Variants in NAV2 observed in about 807,000 individuals in gnomAD.
NAV2 encodes the protein helicase, APC down-regulated 1.
Under a neutral mutation model 223.2 loss-of-function variants are expected in NAV2, and 54 were observed. The observed-to-expected ratio is 0.24, with a 90% confidence interval of 0.19 to 0.30. The LOEUF is 0.30. NAV2 is among the 10% of genes least tolerant of loss of function. The probability of loss-of-function intolerance (pLI) is 1.00; values close to 1 mark genes in which losing one functional copy is unlikely to be tolerated. For missense variants in NAV2, 2,806 were observed against 3,147.5 expected, an observed-to-expected ratio of 0.89 and a Z score of 2.60; for synonymous variants, 1,279 against 1,239.3, an observed-to-expected ratio of 1.03 and a Z score of -0.67.
At position 20,073,168 on chromosome 11, in the gene NAV2, C is replaced by T. The variant is rs373663351; in HGVS notation, c.4984-4384C>T. On this transcript the variant is annotated intron_variant, in intron 22 of 37. Coordinates refer to ENST00000349880, the MANE Select transcript of NAV2 (RefSeq NM_145117.5). Reference sequence around the variant, plus strand: ...GAAGGGCTGTTGAATTTGTCCAAGGCCTTTTCTGCATCTATTGAGATAATC... The same window carrying T: ...GAAGGGCTGTTGAATTTGTCCAAGGTCTTTTCTGCATCTATTGAGATAATC... Among the ~76,000 whole-genome samples, 4 of 152,028 alleles carry T rather than the reference C, an allele frequency of 2.6e-5. No homozygotes were observed. In the East Asian group the frequency reaches 5.8e-4, roughly 22 times the overall value.
chr11:19,573,965 T>G (rs1417034147), intron 1 of NAV2, among the ~76,000 whole-genome samples: 2 of 152,198 alleles, frequency 1.3e-5, no homozygotes, highest in African/African-American at 4.8e-5. Flanking sequence ...GTCTGAAGTC[T>G]GCCTAGAACC....
intron 5 of NAV2, among the ~76,000 whole-genome samples, chr11:19,890,234 T>C (rs2041387345): frequency 6.6e-6 from 1 of 152,202 alleles, no homozygotes; most frequent in South Asian, 2.1e-4. Context: ...TCCAATGTCT[T>C]GTGTATGGAA....
At chr11:19,641,865 T>C (rs903937861) in intron 1 of NAV2, among the ~76,000 whole-genome samples, 2 of 152,086 alleles carry the variant, frequency 1.3e-5, no homozygotes, top group Non-Finnish European at 2.9e-5. Context: ...CTGGCACTTA[T>C]AACAATCTGA....
intron 1 of NAV2, among the ~76,000 whole-genome samples, chr11:19,603,470 A>T (rs574598490): frequency 9.1e-4 from 139 of 152,030 alleles, no homozygotes; most frequent in African/African-American, 3.3e-3. Flanking sequence ...TACTAAACTT[A>T]CAAAAAATTA....
chr11:19,833,523 A>T (rs1460711652), intron 2 of NAV2, among the ~76,000 whole-genome samples: 1 of 152,172 alleles, frequency 6.6e-6, no homozygotes, highest in Non-Finnish European at 1.5e-5. Context: ...TTGTCTTGTG[A>T]TTGATTTCTT....
intron 10 of NAV2, among the ~76,000 whole-genome samples, chr11:19,983,641 A>G (rs540341719): frequency 6.6e-6 from 1 of 152,290 alleles, no homozygotes; most frequent in South Asian, 2.1e-4. Context: ...TGTGATGGCA[A>G]AGGCCACTCA....
intron 1 of NAV2, among the ~76,000 whole-genome samples, chr11:19,631,861 T>G (rs144117221): frequency 3.9e-5 from 6 of 152,386 alleles, no homozygotes; most frequent in Admixed American, 6.5e-5. Flanking sequence ...GTCAGACATC[T>G]AATTAGCCAT....
At position 19,782,527 on chromosome 11, in the gene NAV2, AT is replaced by A. The variant is rs370847570; in HGVS notation, c.268-49955del. ...TTTTTGTGTGAAGCCAGGGAAAAAA[AT>A]TGTTTTGTTTCTGGCTCCTGTAATG... On this transcript the variant is annotated intron_variant, in intron 1 of 37. Transcript: ENST00000349880. Among the ~76,000 whole-genome samples, 397 of 152,168 alleles carry A rather than the reference AT, an allele frequency of 2.6e-3. 3 individuals are homozygous for A. Among genetic ancestry groups the A allele is most frequent in the South Asian group, 6.4e-3 (31 of 4,810 alleles).
At chr11:19,425,425 C>T (rs989695387) in intron 1 of NAV2, among the ~76,000 whole-genome samples, 1 of 152,200 alleles carries the variant, frequency 6.6e-6, no homozygotes, top group Non-Finnish European at 1.5e-5. Flanking sequence ...GATAGGTACT[C>T]TGTGCCCTGC....
At chr11:19,349,334 C>T (rs546544176), upstream of NAV2, among the ~76,000 whole-genome samples, 10 of 152,348 alleles carry the variant, frequency 6.6e-5, no homozygotes, top group Admixed American at 3.3e-4. Flanking sequence ...TCTCCTCCTC[C>T]TCCTCCTCCC....
At chr11:19,882,767 T>C (rs1201042581) in intron 5 of NAV2, among the ~76,000 whole-genome samples, 1 of 152,206 alleles carries the variant, frequency 6.6e-6, no homozygotes, top group East Asian at 1.9e-4. Flanking sequence ...AGCTACAAAG[T>C]GTCCTGCCAT....
intron 1 of NAV2, among the ~76,000 whole-genome samples, chr11:19,446,552 C>T (rs780407637): frequency 3.3e-5 from 5 of 152,100 alleles, no homozygotes; most frequent in Non-Finnish European, 7.3e-5. Context: ...GAGTTTTCTG[C>T]CTCTTAATGA....
intron 1 of NAV2, among the ~76,000 whole-genome samples, chr11:19,393,994 A>T (rs1849351121): frequency 6.7e-6 from 1 of 149,566 alleles, no homozygotes; most frequent in African/African-American, 2.5e-5. Flanking sequence ...CCATTTGGAA[A>T]CTGTAAACCT....
chr11:19,822,086 C>T (rs1408669390), intron 1 of NAV2, among the ~76,000 whole-genome samples: 4 of 152,312 alleles, frequency 2.6e-5, no homozygotes, highest in Admixed American at 6.5e-5. Flanking sequence ...AAAGTGTTCA[C>T]GTTGCATGGC....
chr11:19,718,053 A>T (rs987883117), intron 1 of NAV2, among the ~76,000 whole-genome samples: 2 of 64,432 alleles, frequency 3.1e-5, no homozygotes, highest in South Asian at 6.0e-4. Flanking sequence ...TCCCCCACCC[A>T]CCCCCACCCT....
intron 11 of NAV2, chr11:20,022,883 G>A (rs1302349387): frequency 1.5e-6 from 2 of 1,368,242 alleles, no homozygotes; most frequent in South Asian, 1.9e-5. Context: ...CTGACCTCTC[G>A]ATCCTTCAGC....
intron 1 of NAV2, among the ~76,000 whole-genome samples, chr11:19,388,692 T>C (rs1849135067): frequency 6.6e-6 from 1 of 152,178 alleles, no homozygotes; most frequent in South Asian, 2.1e-4. Context: ...GTTAGCAGTG[T>C]AGGTACGCTG....
intron 1 of NAV2, among the ~76,000 whole-genome samples, chr11:19,522,075 C>T (rs1335697868): frequency 6.6e-6 from 1 of 152,184 alleles, no homozygotes; most frequent in Non-Finnish European, 1.5e-5. Flanking sequence ...AGGATAAGGC[C>T]TGCTACATAG....
At chr11:19,560,504 C>T (rs146491952) in intron 1 of NAV2, among the ~76,000 whole-genome samples, 1 of 152,152 alleles carries the variant, frequency 6.6e-6, no homozygotes, top group Non-Finnish European at 1.5e-5. Context: ...TGCTGTGAAG[C>T]GCCACTGAGG....
Sources: gnomAD v4.1 joint callset for allele counts (sites outside exome capture counted in the v4.1 genomes callset) on GRCh38, gnomAD v4.1.1 for gene constraint, MANE v1.5 for transcripts, NCBI Gene and HGNC (gene_info 2026-07-23, HGNC 2026-07-21) for gene names.